Variants in MYO16 observed in about 807,000 individuals in gnomAD.
The protein encoded by MYO16 is myosin XVI, also known as unconventional myosin-XVI.
In MYO16, 94 loss-of-function variants were observed where a neutral mutation model predicts 205.3. The observed-to-expected ratio is 0.46, with a 90% CI of 0.39 to 0.54. The LOEUF is 0.54. Ranked by LOEUF, MYO16 falls within the 20% of genes least tolerant of loss-of-function variation. The pLI is 0.00. For missense variants in MYO16, 2,315 were observed against 2,387.5 expected (o/e 0.97, Z 0.63); for synonymous variants, 988 against 954.0 (o/e 1.04, Z -0.66).
intron 23 of MYO16, among the ~76,000 whole-genome samples, chr13:109,041,566 G>C (rs1886886221): frequency 6.6e-6 from 1 of 152,164 alleles, no homozygotes; most frequent in African/African-American, 2.4e-5. Context: ...TTGGGGAAGT[G>C]AAATTGTTTA....
chr13:108,590,899 T>C, the MYO16 span, among the ~76,000 whole-genome samples: 30 of 152,312 alleles, frequency 2.0e-4, no homozygotes, highest in African/African-American at 7.0e-4. Context: ...TGAGAGAATA[T>C]ATTTCTGCTG....
chr13:109,177,824 T>C (rs1879278782), intron 33 of MYO16, among the ~76,000 whole-genome samples: 1 of 152,224 alleles, frequency 6.6e-6, no homozygotes, highest in African/African-American at 2.4e-5. Context: ...CCCCGACTTC[T>C]AATTTATAAT....
intron 2 of MYO16, among the ~76,000 whole-genome samples, chr13:108,687,881 A>G (rs1882740993): frequency 6.6e-6 from 1 of 152,206 alleles, no homozygotes; most frequent in African/African-American, 2.4e-5. Context: ...TGGTGCATCT[A>G]GCTATAGAAA....
At chr13:109,001,736 T>A (rs1885219831) in intron 21 of MYO16, among the ~76,000 whole-genome samples, 2 of 152,152 alleles carry the variant, frequency 1.3e-5, no homozygotes, top group Non-Finnish European at 1.5e-5. Context: ...AAGTTTATAG[T>A]ATGCTTGAAG....
chr13:108,747,168 G>A (rs558278927), intron 4 of MYO16, among the ~76,000 whole-genome samples: 1 of 152,074 alleles, frequency 6.6e-6, no homozygotes, highest in East Asian at 1.9e-4. Flanking sequence ...AAAATAAGTT[G>A]TTAAACAACA....
chr13:108,870,134 A>G (rs1423049140), intron 12 of MYO16, among the ~76,000 whole-genome samples: 1 of 151,940 alleles, frequency 6.6e-6, no homozygotes, highest in African/African-American at 2.4e-5. Context: ...TAGAAAACGT[A>G]TTGAATTTTA....
rs138932688 is a variant in MYO16 at position 109,120,743 on chromosome 13, G to A, written c.3535+277G>A. Among the ~76,000 whole-genome samples, 380 of 152,246 alleles carry A rather than the reference G, an allele frequency of 2.5e-3. 2 individuals are homozygous for A. Among genetic ancestry groups the A allele is most frequent in the Middle Eastern group, 0.01 (3 of 294 alleles). On this transcript the variant is annotated intron_variant, in intron 29 of 34. Transcript: ENST00000457511. Reference sequence around the variant, plus strand: ...GGGGCTCATTTGGATATGCCCCTATGTGAATCTCTAATGGGTCTTTTCATT... The same window carrying A: ...GGGGCTCATTTGGATATGCCCCTATATGAATCTCTAATGGGTCTTTTCATT...
At chr13:108,832,563 T>A (rs1422112945) in intron 9 of MYO16, among the ~76,000 whole-genome samples, 1 of 152,170 alleles carries the variant, frequency 6.6e-6, no homozygotes, top group East Asian at 1.9e-4. Flanking sequence ...CCCAGCATGA[T>A]GATGAATAAA....
chr13:108,622,637 GA>G (rs1304826270), intron 1 of MYO16, among the ~76,000 whole-genome samples: 1 of 148,718 alleles, frequency 6.7e-6, no homozygotes, highest in Non-Finnish European at 1.5e-5. Context: ...AGAAAAGGAG[GA>G]GGGGGGAAGG....
rs777649658 is a variant in MYO16 at position 109,140,446 on chromosome 13, G to C, written c.4234G>C (p.Gly1412Arg). The C allele has an allele frequency of 6.5e-7, 1 of 1,550,366 alleles. No homozygotes were observed. Among genetic ancestry groups the C allele is most frequent in the East Asian group, 2.4e-5 (1 of 41,028 alleles). ...PGAAARVLTP[G>R]TPQCALPPAA... is the part of the protein sequence containing the mutation. ...GGCAGCAGCGCGCGTTCTGACCCCCGGGACTCCGCAGTGCGCGCTGCCCCC... is the reference window on the plus strand; with the variant it reads ...GGCAGCAGCGCGCGTTCTGACCCCCCGGACTCCGCAGTGCGCGCTGCCCCC... The change falls in exon 32 of 35, where the codon GGG becomes CGG. Residue 1412 changes from glycine to arginine, a missense_variant. Physicochemically the swap from Gly to Arg is moderately radical, Grantham distance 125. Transcript: ENST00000457511. This position sits in a 1 kb window ranked among gnomAD's most constrained non-coding sequence, Gnocchi z 8.0.
chr13:109,027,280 T>G lies in MYO16; in HGVS notation c.2796+7369T>G, dbSNP rs189214567. ...TGTTCTCTCCTCTTCTCACAAAGAT[T>G]TAATCCAGCCGGACCGCATCTTAAT... On this transcript the variant is annotated intron_variant, in intron 23 of 34. Coordinates refer to ENST00000457511, the MANE Select transcript of MYO16 (RefSeq NM_001198950.3). 5.9e-5 allele frequency among the ~76,000 whole-genome samples: 9 copies of G among 152,290 alleles called. No individual in the cohort carries two copies. The East Asian group carries it at 1.7e-3, about 29-fold the overall frequency.
rs36054088 is a variant in MYO16 at position 109,176,577 on chromosome 13, TA to T, written c.5324-2941del. ...GCAGCTAAATAAAATATTGTGCTGG[TA>T]AAAAAAAAAAAAAAAAAAAAAAAGA... On this transcript the variant is annotated intron_variant, in intron 33 of 34. Transcript: ENST00000457511. Among the ~76,000 whole-genome samples the T allele has an allele frequency of 4.3e-3, 194 of 44,948 alleles. 8 individuals are homozygous for T. The highest frequency in any genetic ancestry group is 0.024 in the East Asian group (15 of 636). The allele number at this position is 44,948 out of a possible 152,430, so 29.5% of individuals were successfully genotyped here. A position where few individuals can be genotyped will look rare whatever the true frequency, so the allele number is the denominator to read the frequency against.
chr13:108,617,427 T>A (rs1879387783), intron 1 of MYO16, among the ~76,000 whole-genome samples: 1 of 152,220 alleles, frequency 6.6e-6, no homozygotes, highest in South Asian at 2.1e-4. Context: ...TCAGCCAATC[T>A]TATTTGATCC....
chr13:108,538,179 T>C, the MYO16 span, among the ~76,000 whole-genome samples: 1 of 152,102 alleles, frequency 6.6e-6, no homozygotes, highest in Non-Finnish European at 1.5e-5. Context: ...TGGGAGATAA[T>C]TTAATCCATG....
intron 13 of MYO16, among the ~76,000 whole-genome samples, chr13:108,886,836 C>G (rs772840887): frequency 6.6e-6 from 1 of 152,062 alleles, no homozygotes. Context: ...CTTTCGGTAT[C>G]GCTAGTCCTG....
chr13:109,059,887 G>A (rs1887534316), intron 27 of MYO16, among the ~76,000 whole-genome samples: 1 of 152,026 alleles, frequency 6.6e-6, no homozygotes, highest in Non-Finnish European at 1.5e-5. Context: ...GTTTTTATGG[G>A]TTTGGCTTTT....
intron 27 of MYO16, among the ~76,000 whole-genome samples, chr13:109,092,091 A>G (rs555692948): frequency 2.6e-5 from 4 of 152,308 alleles, no homozygotes; most frequent in Non-Finnish European, 4.4e-5. Flanking sequence ...TTAAATTTCT[A>G]AGGGGTTTCA....
intron 1 of MYO16, among the ~76,000 whole-genome samples, chr13:108,620,679 A>T (rs1164779356): frequency 6.6e-6 from 1 of 152,202 alleles, no homozygotes; most frequent in Admixed American, 6.5e-5. Context: ...AGGAGGACTC[A>T]CCTTTTGGTC....
chr13:109,166,391 G>A (rs1179955752), intron 33 of MYO16, among the ~76,000 whole-genome samples: 1 of 152,154 alleles, frequency 6.6e-6, no homozygotes. Flanking sequence ...CTGGAGAAGT[G>A]GAAGATAACT....
Sources: gnomAD v4.1 joint callset for allele counts (sites outside exome capture counted in the v4.1 genomes callset) on GRCh38, gnomAD v4.1.1 for gene constraint, Gnocchi (gnomAD v3.1) non-coding constraint, MANE v1.5 for transcripts, NCBI Gene and HGNC (gene_info 2026-07-23, HGNC 2026-07-21) for gene names.